Variants in KCNIP1 observed in about 807,000 individuals in gnomAD.
KCNIP1 encodes A-type potassium channel modulatory protein KCNIP1.
A neutral mutation model predicts 33.0 loss-of-function variants in KCNIP1; 18 were observed. The observed-to-expected ratio is 0.55, with a 90% CI of 0.38 to 0.81. KCNIP1 has a LOEUF of 0.81. Among genes scored for constraint, KCNIP1 ranks in the 30% least tolerant of loss-of-function variants. KCNIP1 has a pLI of 0.00. For missense variants in KCNIP1, 238 were observed against 271.6 expected (o/e 0.88, Z 0.87); for synonymous variants, 93 against 98.3 (o/e 0.95, Z 0.32).
chr5:170,537,642 C>A (rs879334329), intron 1 of KCNIP1, among the ~76,000 whole-genome samples: 19 of 152,218 alleles, frequency 1.2e-4, no homozygotes, highest in African/African-American at 3.1e-4. Context: ...GCGGAGACTG[C>A]GGGCAGGAGG....
intron 1 of KCNIP1, among the ~76,000 whole-genome samples, chr5:170,654,471 G>T (rs957605872): frequency 6.6e-6 from 1 of 151,988 alleles, no homozygotes; most frequent in Admixed American, 6.5e-5. Flanking sequence ...ATTTTAAAAC[G>T]GGGGGCATCG....
intron 1 of KCNIP1, among the ~76,000 whole-genome samples, chr5:170,355,902 T>C (rs571603306): frequency 2.0e-5 from 3 of 152,298 alleles, no homozygotes; most frequent in East Asian, 3.9e-4. Flanking sequence ...CAGGGCAGGA[T>C]TGTGTCTTAA....
chr5:170,498,382 G>A (rs2113217312), intron 1 of KCNIP1, among the ~76,000 whole-genome samples: 1 of 152,286 alleles, frequency 6.6e-6, no homozygotes, highest in African/African-American at 2.4e-5. Context: ...GGGACTTTAA[G>A]CCTGATCTGC....
intron 1 of KCNIP1, among the ~76,000 whole-genome samples, chr5:170,480,709 G>T (rs138383297): frequency 0.012 from 1,865 of 152,150 alleles, 14 homozygotes; most frequent in Non-Finnish European, 0.017. Context: ...CTCCCAAACT[G>T]CTGGGATTAC....
At chr5:170,594,404 T>C (rs1335479063) in intron 1 of KCNIP1, among the ~76,000 whole-genome samples, 1 of 152,180 alleles carries the variant, frequency 6.6e-6, no homozygotes, top group East Asian at 1.9e-4. Flanking sequence ...AAGAGGGGTA[T>C]GGCCATGTGG....
intron 1 of KCNIP1, among the ~76,000 whole-genome samples, chr5:170,409,182 A>G (rs1755114863): frequency 6.6e-6 from 1 of 152,240 alleles, no homozygotes. Flanking sequence ...GCTGATGCTC[A>G]AGACTGTGCC....
chr5:170,614,949 C>T (rs1410176454), intron 1 of KCNIP1, among the ~76,000 whole-genome samples: 1 of 152,242 alleles, frequency 6.6e-6, no homozygotes, highest in Non-Finnish European at 1.5e-5. Flanking sequence ...GGTGCAGTGA[C>T]TCACTCCTGT....
At chr5:170,558,638 G>A (rs1756923183) in intron 1 of KCNIP1, among the ~76,000 whole-genome samples, 1 of 152,180 alleles carries the variant, frequency 6.6e-6, no homozygotes, top group Admixed American at 6.5e-5. Flanking sequence ...GAGTGACCTG[G>A]GTGCTGCCGT....
At chr5:170,528,905 C>CAACT (rs1755683350) in intron 1 of KCNIP1, among the ~76,000 whole-genome samples, 2 of 152,200 alleles carry the variant, frequency 1.3e-5, no homozygotes, top group Non-Finnish European at 2.9e-5. Context: ...CCACTGCATT[C>CAACT]AACTGTTCAA....
At chr5:170,609,071 A>C (rs568595503) in intron 1 of KCNIP1, among the ~76,000 whole-genome samples, 1 of 152,118 alleles carries the variant, frequency 6.6e-6, no homozygotes, top group Non-Finnish European at 1.5e-5. Flanking sequence ...TGCTCCTCAG[A>C]ATCACGTGCT....
At chr5:170,587,077 G>A (rs1224290328) in intron 1 of KCNIP1, among the ~76,000 whole-genome samples, 2 of 152,204 alleles carry the variant, frequency 1.3e-5, no homozygotes, top group Non-Finnish European at 2.9e-5. Context: ...CAGGGTGTAT[G>A]AGTTTCCTGT....
Position 170,722,083 on chromosome 5 carries a change from C to A in KCNIP1, c.327+180C>A, listed in dbSNP as rs545868436. ...GAAAAGCAGCAGCAACTTTCCCTGG[C>A]CTGCAGGAACTCAGGGACTCAGGGG... On this transcript the variant is annotated intron_variant, in intron 4 of 7. Transcript: ENST00000328939. 5.3e-5 allele frequency among the ~76,000 whole-genome samples: 8 copies of A among 152,280 alleles called. No individual in the cohort carries two copies. In the South Asian group the frequency reaches 1.4e-3, roughly 28 times the overall value.
intron 1 of KCNIP1, among the ~76,000 whole-genome samples, chr5:170,437,081 T>C (rs573120430): frequency 1.3e-5 from 2 of 152,292 alleles, no homozygotes; most frequent in Admixed American, 1.3e-4. Flanking sequence ...TGTGGAGAAG[T>C]ATAATCGGAA....
chr5:170,585,790 T>C (rs1283649779), intron 1 of KCNIP1, among the ~76,000 whole-genome samples: 1 of 152,218 alleles, frequency 6.6e-6, no homozygotes, highest in Non-Finnish European at 1.5e-5. Flanking sequence ...GATGTTCACA[T>C]GGAACCCAGT....
chr5:170,361,014 TGGATGAGACAA>T (rs2113287404), intron 1 of KCNIP1, among the ~76,000 whole-genome samples: 1 of 152,328 alleles, frequency 6.6e-6, no homozygotes, highest in Non-Finnish European at 1.5e-5. Context: ...CAGAACGACC[TGGATGAGACAA>T]GGGTCAGTGC....
At position 170,387,047 on chromosome 5, in the gene KCNIP1, C is replaced by T. The variant is rs1047230209; in HGVS notation, c.88+33083C>T. ...CCCAGCCATGGTCCCCGCGTGATTT[C>T]CCATGGTTCCGCAAGCTGTCCTAGA... On this transcript the variant is annotated intron_variant, in intron 1 of 7. Transcript: ENST00000377360. Among the ~76,000 whole-genome samples, 9 of 152,208 alleles carry T rather than the reference C, an allele frequency of 5.9e-5. No individual in the cohort carries two copies. In the South Asian group the frequency reaches 1.9e-3, roughly 32 times the overall value.
intron 1 of KCNIP1, among the ~76,000 whole-genome samples, chr5:170,473,683 G>C (rs1263915997): frequency 6.6e-6 from 1 of 152,108 alleles, no homozygotes; most frequent in Non-Finnish European, 1.5e-5. Flanking sequence ...GTCTTCCAAG[G>C]GGACAGACTG....
At chr5:170,393,933 T>C (rs1450684171) in intron 1 of KCNIP1, among the ~76,000 whole-genome samples, 1 of 152,080 alleles carries the variant, frequency 6.6e-6, no homozygotes, top group African/African-American at 2.4e-5. Context: ...TGTGGTAAGG[T>C]TGGTTTTTTT....
chr5:170,684,810 A>G (rs1762483911), intron 1 of KCNIP1, among the ~76,000 whole-genome samples: 1 of 151,950 alleles, frequency 6.6e-6, no homozygotes. Context: ...TTCTACCTTC[A>G]TATTTGGTTG....
Sources: gnomAD v4.1 joint callset for allele counts (sites outside exome capture counted in the v4.1 genomes callset) on GRCh38, gnomAD v4.1.1 for gene constraint, MANE v1.5 for transcripts, NCBI Gene and HGNC (gene_info 2026-07-23, HGNC 2026-07-21) for gene names.